The following ATP8A2 variants were observed in gnomAD, a reference collection of about 807,000 sequenced individuals.
ATP8A2 encodes ATPase phospholipid transporting 8A2, also known as phospholipid-transporting ATPase IB.
ATP8A2 carries 100 observed loss-of-function variants against 165.6 expected under a neutral mutation model. That is an observed-to-expected ratio of 0.60 (90% CI 0.51 to 0.71). The LOEUF (loss-of-function observed/expected upper bound fraction) is 0.71, where lower values mean the gene tolerates loss of function less well. Ranked by LOEUF, ATP8A2 falls within the 30% of genes least tolerant of loss-of-function variation. The pLI is 0.00. For missense variants in ATP8A2, 1,227 were observed against 1,479.5 expected (o/e 0.83, Z 2.80); for synonymous variants, 543 against 548.8 (o/e 0.99, Z 0.15).
intron 27 of ATP8A2, among the ~76,000 whole-genome samples, chr13:25,794,034 C>T (rs1950446387): frequency 6.6e-6 from 1 of 152,160 alleles, no homozygotes. Context: ...TCATCCCTAC[C>T]TCTTTCAAAC....
At chr13:25,835,349 C>T (rs968369627) in intron 28 of ATP8A2, among the ~76,000 whole-genome samples, 4 of 152,126 alleles carry the variant, frequency 2.6e-5, no homozygotes, top group Admixed American at 2.0e-4. Flanking sequence ...AATCCCAGGG[C>T]TGCTTTCCAT....
intron 33 of ATP8A2, among the ~76,000 whole-genome samples, chr13:25,903,199 T>G (rs1310636699): frequency 3.3e-5 from 5 of 152,134 alleles, no homozygotes; most frequent in South Asian, 2.1e-4. Context: ...TTACTCATAC[T>G]AGGAACGCAG....
intron 24 of ATP8A2, among the ~76,000 whole-genome samples, chr13:25,690,719 C>A (rs563900292): frequency 6.6e-6 from 1 of 152,148 alleles, no homozygotes; most frequent in East Asian, 1.9e-4. Flanking sequence ...CACCTGTGAG[C>A]TCACCTGGGA....
intron 27 of ATP8A2, among the ~76,000 whole-genome samples, chr13:25,787,809 A>T (rs1242550616): frequency 1.3e-5 from 2 of 152,220 alleles, no homozygotes; most frequent in African/African-American, 4.8e-5. Context: ...GGAACCAGGG[A>T]TCAGAAAGTC....
intron 1 of ATP8A2, among the ~76,000 whole-genome samples, chr13:25,394,943 G>A (rs1261247287): frequency 1.3e-5 from 2 of 152,028 alleles, no homozygotes; most frequent in African/African-American, 4.8e-5. Context: ...ACAATTTATT[G>A]CCCTTAGAAG....
chr13:25,536,102 A>G (rs1049736063), intron 6 of ATP8A2, among the ~76,000 whole-genome samples: 3 of 151,940 alleles, frequency 2.0e-5, no homozygotes, highest in African/African-American at 7.2e-5. Context: ...ATTCATATGA[A>G]ATCGTTTTAA....
rs530851316 is a variant in ATP8A2 at position 26,024,950 on chromosome 13, C to A, written c.*4965C>A. On this transcript the variant is annotated 3_prime_UTR_variant, in exon 37 of 37. Transcript: ENST00000381655. ...GGGGGTCAAGAGAGCTTATCAAGAG[C>A]CTTTTATAGGTAAGCTCTTCCGTGT... The A allele has an allele frequency of 1.3e-5, 2 of 151,968 alleles. No homozygotes were observed. Among genetic ancestry groups the A allele is most frequent in the East Asian group, 1.9e-4 (1 of 5,166 alleles). 9.4% of individuals were successfully genotyped at this position (151,968 alleles called of 1,614,324 possible).
In ATP8A2 at chr13:25,409,155, T is replaced by C. The variant is rs542477670; in HGVS notation, c.76+36867T>C. Reference sequence around the variant, plus strand: ...ATTGGCGAGACCAGCAGGCCTGCTTTCATCTCTTCTCAGCCCTGGTACATG... The same window carrying C: ...ATTGGCGAGACCAGCAGGCCTGCTTCCATCTCTTCTCAGCCCTGGTACATG... On this transcript the variant is annotated intron_variant, in intron 1 of 36. Coordinates refer to ENST00000381655, the MANE Select transcript of ATP8A2 (RefSeq NM_016529.6). Among the ~76,000 whole-genome samples the C allele has an allele frequency of 5.9e-5, 9 of 152,346 alleles. No homozygotes were observed. In the East Asian group the frequency reaches 1.7e-3, roughly 29 times the overall value.
intron 31 of ATP8A2, 92 bp from the exon 32 acceptor site, chr13:25,860,712 T>C: frequency 1.0e-6 from 1 of 980,808 alleles, no homozygotes; most frequent in South Asian, 1.4e-5. Context: ...TTGGGGAAGC[T>C]AGTTCTGGAG....
chr13:25,580,033 T>G (rs1172024465), intron 22 of ATP8A2, 86 bp downstream of exon 22: 1 of 1,445,092 alleles, frequency 6.9e-7, no homozygotes, highest in Non-Finnish European at 9.5e-7. Context: ...ATCCTTTTAC[T>G]ATGTAGGGAT....
intron 25 of ATP8A2, among the ~76,000 whole-genome samples, chr13:25,765,484 CTCT>C (rs1435516256): frequency 2.6e-5 from 4 of 152,152 alleles, no homozygotes; most frequent in Admixed American, 2.0e-4. Context: ...GGAGTGGTGC[CTCT>C]TCATTTCTGT....
chr13:25,913,437 A>C (rs781292467), intron 33 of ATP8A2, among the ~76,000 whole-genome samples: 2 of 152,228 alleles, frequency 1.3e-5, no homozygotes, highest in African/African-American at 2.4e-5. Context: ...CCTTTCATAA[A>C]ACTATAATAT....
chr13:25,983,844 TAA>T (rs543740163), intron 35 of ATP8A2, among the ~76,000 whole-genome samples: 36 of 152,142 alleles, frequency 2.4e-4, no homozygotes, highest in Non-Finnish European at 4.6e-4. Flanking sequence ...AACATTTTAA[TAA>T]AGTGATGAGT....
At chr13:25,505,700 C>T (rs1167121830) in intron 2 of ATP8A2, among the ~76,000 whole-genome samples, 3 of 152,206 alleles carry the variant, frequency 2.0e-5, no homozygotes, top group Non-Finnish European at 4.4e-5. Flanking sequence ...ACTTATTTCC[C>T]TTTCAAAACT....
rs1224499992 is a variant in ATP8A2, at chr13:25,543,383, A to C, written c.872A>C (p.His291Pro). Residue 291 changes from histidine to proline, a missense_variant, in exon 10 of 37, where the codon CAC becomes CCC. Transcript: ENST00000381655. ...TTTGGCATAGTTGTTTATACTGGAC[A>C]CGACACCAAACTCATGCAGGTAAAA... Reference protein sequence around the residue: ...WVFGIVVYTGHDTKLMQNSTK... With the variant: ...WVFGIVVYTGPDTKLMQNSTK... 1 of 1,604,442 alleles carries C rather than the reference A, an allele frequency of 6.2e-7. No individual in the cohort carries two copies. The highest frequency in any genetic ancestry group is 1.1e-5 in the South Asian group (1 of 90,376).
intron 36 of ATP8A2, among the ~76,000 whole-genome samples, chr13:26,012,917 CT>C (rs1197758359): frequency 6.6e-6 from 1 of 152,092 alleles, no homozygotes; most frequent in Non-Finnish European, 1.5e-5. Context: ...AGCAGTATGA[CT>C]TTTAAACTGT....
intron 33 of ATP8A2, among the ~76,000 whole-genome samples, chr13:25,879,143 C>A (rs1422509085): frequency 6.6e-6 from 1 of 152,212 alleles, no homozygotes; most frequent in Non-Finnish European, 1.5e-5. Flanking sequence ...CTTTGTGTAT[C>A]TTCTTTTGTT....
chr13:25,521,157 T>G (rs1208044790), intron 2 of ATP8A2, among the ~76,000 whole-genome samples: 2 of 152,236 alleles, frequency 1.3e-5, no homozygotes, highest in African/African-American at 4.8e-5. Context: ...TGTATGTCTC[T>G]TCTGTGAAAT....
At chr13:25,728,448 T>A (rs1361938622) in intron 25 of ATP8A2, among the ~76,000 whole-genome samples, 3 of 152,210 alleles carry the variant, frequency 2.0e-5, no homozygotes, top group Non-Finnish European at 4.4e-5. Context: ...CAATGTCATG[T>A]CTGCTGTTTT....
Sources: allele counts gnomAD v4.1 joint callset (sites outside exome capture counted in the v4.1 genomes callset), GRCh38; gene constraint gnomAD v4.1.1; transcripts MANE v1.5; gene names NCBI Gene and HGNC (gene_info 2026-07-23, HGNC 2026-07-21).